Variants in SPATA22 observed in about 807,000 individuals in gnomAD.
SPATA22 encodes spermatogenesis-associated protein 22.
In SPATA22, 29 loss-of-function variants were observed where a neutral mutation model predicts 47.8. The ratio of observed to expected loss-of-function variants is 0.61; its 90% CI spans 0.45 to 0.83. The LOEUF (loss-of-function observed/expected upper bound fraction) is 0.83, where lower values mean the gene tolerates loss of function less well. SPATA22 is among the 40% of genes least tolerant of loss of function. The pLI is 0.00. For synonymous variants in SPATA22, 133 were observed against 140.9 expected (o/e 0.94, Z 0.40); for missense variants, 410 against 421.7 (o/e 0.97, Z 0.24).
rs897190348 is a variant in SPATA22 at position 3,453,974 on chromosome 17, C to T, written c.330-4825G>A. On this transcript the variant is annotated intron_variant, in intron 5 of 8. Transcript: ENST00000572969. ...ATGACATGATCTTGTATGTAGAAAA[C>T]CCTAAAAACTCCATTAAGAAACTGT... 1.3e-4 allele frequency among the ~76,000 whole-genome samples: 19 copies of T among 151,850 alleles called. No homozygotes were observed. In the South Asian group the frequency reaches 2.3e-3, roughly 18 times the overall value.
intron 5 of SPATA22, among the ~76,000 whole-genome samples, chr17:3,457,161 C>A (rs1337343456): frequency 6.6e-6 from 1 of 152,002 alleles, no homozygotes; most frequent in Non-Finnish European, 1.5e-5. Context: ...CCCTCTCTCA[C>A]CACTCCTATT....
chr17:3,471,591 G>C, intron 1 of SPATA22, 91 bp downstream of exon 1: 15 of 985,270 alleles, frequency 1.5e-5, no homozygotes, highest in Non-Finnish European at 1.8e-5. Context: ...ACCGCGGTGG[G>C]AGAGAAGAGG....
At chr17:3,500,484 C>T (rs1008124619) in intron 1 of SPATA22, 1 of 152,078 alleles carries the variant, frequency 6.6e-6, no homozygotes, top group Non-Finnish European at 1.5e-5. Context: ...TTAACTGTTT[C>T]AAAAATCCTA....
intron 1 of SPATA22, chr17:3,503,492 T>G (rs1180625157): frequency 1.3e-5 from 2 of 152,232 alleles, no homozygotes; most frequent in African/African-American, 2.4e-5. Flanking sequence ...CGTTGTGTCC[T>G]ATTTCTGAGT....
At chr17:3,458,667 A>G (rs1470532805) in intron 5 of SPATA22, among the ~76,000 whole-genome samples, 1 of 151,730 alleles carries the variant, frequency 6.6e-6, no homozygotes, top group African/African-American at 2.4e-5. Flanking sequence ...ACATGGTGAA[A>G]CCCCATCTCT....
At chr17:3,510,566 T>G (rs1597459192) in intron 1 of SPATA22, 2 of 152,350 alleles carry the variant, frequency 1.3e-5, no homozygotes, top group Admixed American at 1.3e-4. Flanking sequence ...ACAAACATGT[T>G]CTTACTCTTT....
chr17:3,492,282 C>G (rs186995947), intron 1 of SPATA22, among the ~76,000 whole-genome samples: 1 of 152,340 alleles, frequency 6.6e-6, no homozygotes, highest in African/African-American at 2.4e-5. Context: ...CAGAACAATA[C>G]GGAGAATACT....
chr17:3,492,421 G>A (rs1033053531), intron 1 of SPATA22, among the ~76,000 whole-genome samples: 1 of 152,174 alleles, frequency 6.6e-6, no homozygotes, highest in Admixed American at 6.5e-5. Context: ...ATGAGATCTG[G>A]TAAGTTCCCA....
chr17:3,476,274 G>A (rs544167597), upstream of SPATA22: 442 of 1,614,150 alleles, frequency 2.7e-4, 1 homozygote, highest in South Asian at 3.4e-3. Context: ...AGAGAATGGC[G>A]CTGAGATTCA....
intron 1 of SPATA22, among the ~76,000 whole-genome samples, chr17:3,509,675 A>G (rs1301158626): frequency 2.0e-5 from 3 of 152,196 alleles, no homozygotes; most frequent in Non-Finnish European, 4.4e-5. Context: ...CTTTGGGTGT[A>G]TACTCAGTAA....
intron 5 of SPATA22, among the ~76,000 whole-genome samples, chr17:3,460,028 A>G (rs1239144767): frequency 1.3e-5 from 2 of 152,224 alleles, no homozygotes; most frequent in Non-Finnish European, 2.9e-5. Flanking sequence ...TAAGAAAACA[A>G]TTCTGGGTGA....
chr17:3,492,726 C>T (rs538283640), intron 1 of SPATA22, among the ~76,000 whole-genome samples: 2 of 152,108 alleles, frequency 1.3e-5, no homozygotes, highest in Non-Finnish European at 2.9e-5. Context: ...ACTCAGGCAC[C>T]CTAACAGACA....
At chr17:3,452,281 G>A (rs1479767416) in intron 5 of SPATA22, among the ~76,000 whole-genome samples, 1 of 148,414 alleles carries the variant, frequency 6.7e-6, no homozygotes, top group Admixed American at 6.7e-5. Context: ...AAATAAAATA[G>A]AGAATTAAAA....
intron 1 of SPATA22, among the ~76,000 whole-genome samples, chr17:3,482,113 A>C (rs1261636400): frequency 2.0e-5 from 3 of 152,246 alleles, no homozygotes; most frequent in Non-Finnish European, 4.4e-5. Context: ...GGTATTTGTT[A>C]AAACCAAGTA....
chr17:3,448,556 G>T (rs1250750370), intron 6 of SPATA22, among the ~76,000 whole-genome samples: 1 of 152,176 alleles, frequency 6.6e-6, no homozygotes, highest in African/African-American at 2.4e-5. Context: ...TAAAATGAGT[G>T]TAAAGTGAAA....
chr17:3,469,999 A>C (rs2073391319), intron 1 of SPATA22, among the ~76,000 whole-genome samples: 1 of 149,994 alleles, frequency 6.7e-6, no homozygotes, highest in African/African-American at 2.5e-5. Context: ...AGGCCGAGGC[A>C]GGAGAATCGC....
chr17:3,452,879 G>A (rs558074246), intron 5 of SPATA22, among the ~76,000 whole-genome samples: 8 of 152,200 alleles, frequency 5.3e-5, no homozygotes, highest in Non-Finnish European at 1.0e-4. Flanking sequence ...GGAGATTAAC[G>A]AAGTAATCAA....
At chr17:3,482,790 A>T (rs939327239) in intron 1 of SPATA22, among the ~76,000 whole-genome samples, 4 of 149,956 alleles carry the variant, frequency 2.7e-5, no homozygotes, top group Admixed American at 6.6e-5. Flanking sequence ...AATTTTTTTT[A>T]AATTTTATTA....
chr17:3,474,669 A>C (rs2073495873), upstream of SPATA22, among the ~76,000 whole-genome samples: 1 of 152,200 alleles, frequency 6.6e-6, no homozygotes, highest in African/African-American at 2.4e-5. Context: ...TAAGCTCTTA[A>C]AGGAAGAACA....
Sources: gnomAD v4.1 joint callset for allele counts (sites outside exome capture counted in the v4.1 genomes callset) on GRCh38, gnomAD v4.1.1 for gene constraint, MANE v1.5 for transcripts, NCBI Gene and HGNC (gene_info 2026-07-23, HGNC 2026-07-21) for gene names.